CYP4F11: variants seen among roughly 807,000 people sequenced by gnomAD.
CYP4F11 encodes cytochrome P450 4F11.
A neutral mutation model predicts 62.2 loss-of-function variants in CYP4F11; 79 were observed. That is an observed-to-expected ratio of 1.27 (90% CI 1.06 to 1.53). The LOEUF is 1.53. CYP4F11 is among the 40% of genes most tolerant of loss of function. The pLI, the probability that CYP4F11 is intolerant of heterozygous loss-of-function variation, is 0.00. For missense variants in CYP4F11, 777 were observed against 680.5 expected, an observed-to-expected ratio of 1.14 and a Z score of -1.58; for synonymous variants, 290 against 263.7, an observed-to-expected ratio of 1.10 and a Z score of -0.97.
Position 15,930,641 on chromosome 19 carries a change from G to A in CYP4F11, c.199-1040C>T, listed in dbSNP as rs139366926. Among the ~76,000 whole-genome samples, 1,197 of 152,234 alleles carry A rather than the reference G, an allele frequency of 7.9e-3. 9 individuals carry two copies. The highest frequency in any genetic ancestry group is 0.011 in the Non-Finnish European group (732 of 68,014). ...TCCAAGAGTAAATACCAAAGCAGAG[G>A]GAGAAGGCAAGCTGTCTGCTCAAGA... On this transcript the variant is annotated intron_variant, in intron 1 of 11. Transcript: ENST00000402119.
At chr19:15,922,506 A>T in intron 6 of CYP4F11, 76 bp from the exon 7 acceptor site, 6 of 1,469,792 alleles carry the variant, frequency 4.1e-6, no homozygotes, top group Admixed American at 1.7e-5. Context: ...ACCTAAGATA[A>T]TTTCTGAAGA....
rs1170188259 is a variant in CYP4F11 at position 15,922,072 on chromosome 19, C to T, written c.1080G>A (p.Glu360=). The T allele has an allele frequency of 6.2e-7, 1 of 1,613,798 alleles. No homozygotes were observed. Among genetic ancestry groups the T allele is most frequent in the South Asian group, 1.1e-5 (1 of 91,034 alleles). The change falls in exon 8 of 12, where the codon GAG becomes GAA. Residue 360 remains glutamate (E), a synonymous_variant. Transcript: ENST00000402119. ...YQEQCRQEVQ[E]LLKDREPIEI... is the part of the protein sequence containing the mutation. ...CTATAGGTTCACGGTCCTTCAGAAGCTCTTGCACTTCTTGCCGGCACTGTT... is the reference window on the plus strand; with the variant it reads ...CTATAGGTTCACGGTCCTTCAGAAGTTCTTGCACTTCTTGCCGGCACTGTT...
At chr19:15,915,375 C>T (rs1214147439) in intron 8 of CYP4F11, among the ~76,000 whole-genome samples, 1 of 152,184 alleles carries the variant, frequency 6.6e-6, no homozygotes, top group African/African-American at 2.4e-5. Flanking sequence ...GAACACTTCA[C>T]TGGAAAACAT....
Position 15,914,299 on chromosome 19 carries a change from C to A in CYP4F11, c.1397+6G>T. 1.9e-6 allele frequency: 3 copies of A among 1,613,800 alleles called. No individual in the cohort carries two copies. Among genetic ancestry groups the A allele is most frequent in the Non-Finnish European group, 2.5e-6 (3 of 1,179,814 alleles). Reference sequence around the variant, plus strand: ...CATCTCTGCCTCAGACACAGGCCATCCTTACCTGGGCCCTGCCGAGAAGGG... The same window carrying A: ...CATCTCTGCCTCAGACACAGGCCATACTTACCTGGGCCCTGCCGAGAAGGG... On this transcript the variant is annotated splice_donor_region_variant and intron_variant, in intron 11 of 11. Coordinates refer to ENST00000402119, the MANE Select transcript of CYP4F11 (RefSeq NM_021187.4).
intron 11 of CYP4F11, 37 bp from the exon 12 acceptor site, chr19:15,913,946 G>T: frequency 6.3e-7 from 1 of 1,586,874 alleles, no homozygotes; most frequent in South Asian, 1.2e-5. Context: ...CTGTGCCCAT[G>T]ACCCCCATCC....
chr19:15,915,147 G>T (rs2145036507), intron 8 of CYP4F11, among the ~76,000 whole-genome samples: 1 of 152,286 alleles, frequency 6.6e-6, no homozygotes, highest in South Asian at 2.1e-4. Flanking sequence ...TATTAAAAAG[G>T]TTAACATATT....
At chr19:15,931,649 GGAAT>G (rs1169358213) in intron 1 of CYP4F11, among the ~76,000 whole-genome samples, 4 of 57,344 alleles carry the variant, frequency 7.0e-5, no homozygotes, top group Non-Finnish European at 1.3e-4. Flanking sequence ...AGCGAGGAGA[GGAAT>G]GAGTGAGCGA....
chr19:15,934,120 C>T lies in CYP4F11; in HGVS notation c.198+91G>A, dbSNP rs113731484. 3,021 of 1,404,650 alleles carry T rather than the reference C, an allele frequency of 2.2e-3. 58 individuals carry two copies. The African/African-American group carries it at 0.037, about 17-fold the overall frequency. The allele number at this position is 1,404,650 out of a possible 1,614,324, so 87.0% of individuals were successfully genotyped here. A position where few individuals can be genotyped will look rare whatever the true frequency, so the allele number is the denominator to read the frequency against. On this transcript the variant is annotated intron_variant, in intron 1 of 11. Coordinates refer to ENST00000402119, the MANE Select transcript of CYP4F11 (RefSeq NM_021187.4). ...TCTCTGTGTTCCCACACCCCAGCCA[C>T]CCTCAAAACCCAGCTCCCTGAGCCC...
In CYP4F11 at chr19:15,913,549, G is replaced by A; in HGVS notation, c.*183C>T. On this transcript the variant is annotated 3_prime_UTR_variant, in exon 12 of 12. Transcript: ENST00000402119. Reference sequence around the variant, plus strand: ...TAAGGGCCTAGATGCCCTGTGCTCAGCCAGAGAGGCCGTCAGGGTTTTGGG... The same window carrying A: ...TAAGGGCCTAGATGCCCTGTGCTCAACCAGAGAGGCCGTCAGGGTTTTGGG... 1.4e-6 allele frequency: 1 copy of A among 719,266 alleles called. No homozygotes were observed. The allele number at this position is 719,266 out of a possible 1,614,324, so 44.6% of individuals were successfully genotyped here. A position where few individuals can be genotyped will look rare whatever the true frequency, so the allele number is the denominator to read the frequency against.
chr19:15,931,522 C>T (rs1225795367), intron 1 of CYP4F11, among the ~76,000 whole-genome samples: 4 of 146,330 alleles, frequency 2.7e-5, no homozygotes, highest in Non-Finnish European at 1.5e-5. Flanking sequence ...TGGGATGGCA[C>T]ATCAGAGGAA....
chr19:15,920,214 AGAC>A (rs2089615067), intron 8 of CYP4F11, among the ~76,000 whole-genome samples: 1 of 152,248 alleles, frequency 6.6e-6, no homozygotes, highest in African/African-American at 2.4e-5. Flanking sequence ...TTAAAAATAA[AGAC>A]AAATTAAAAA....
intron 8 of CYP4F11, among the ~76,000 whole-genome samples, chr19:15,921,483 C>T (rs1174651678): frequency 6.6e-6 from 1 of 152,202 alleles, no homozygotes. Flanking sequence ...GCTGGGAGCA[C>T]CTGGAAAACA....
rs1371921233 is a variant in CYP4F11, at chr19:15,914,377, G to C, written c.1325C>G (p.Pro442Arg). 2 of 1,613,998 alleles carry C rather than the reference G, an allele frequency of 1.2e-6. No homozygotes were observed. The highest frequency in any genetic ancestry group is 1.7e-6 in the Non-Finnish European group (2 of 1,179,938). ...GATGTTCTCTTGGTCGAAACGGAAG[G>C]GGTCGTAGACCTGCAGGTGAGACCA... ...TVWPDPEVYD[P>R]FRFDQENIKE... The change falls in exon 11 of 12, where the codon CCC becomes CGC. Residue 442 changes from proline (P) to arginine (R), a missense_variant. By Grantham distance (103) the Pro-to-Arg change is moderately radical (BLOSUM62 -2). Coordinates refer to ENST00000402119, the MANE Select transcript of CYP4F11 (RefSeq NM_021187.4).
chr19:15,929,377 C>T, intron 2 of CYP4F11, 80 bp downstream of exon 2: 1 of 1,591,288 alleles, frequency 6.3e-7, no homozygotes, highest in East Asian at 2.2e-5. Context: ...GCAGGGGCCA[C>T]ACAGAAGCTT....
In CYP4F11 at chr19:15,924,095, G is replaced by A. The variant is rs939896350; in HGVS notation, c.648-13C>T. ...TTCACTGGGCTTCCTGCATGAAGGAGGTAACAACTTAACATATGCAAAGTC... is the reference window on the plus strand; with the variant it reads ...TTCACTGGGCTTCCTGCATGAAGGAAGTAACAACTTAACATATGCAAAGTC... On this transcript the variant is annotated splice_polypyrimidine_tract_variant and intron_variant, in intron 5 of 11. Coordinates refer to ENST00000402119, the MANE Select transcript of CYP4F11 (RefSeq NM_021187.4). The A allele has an allele frequency of 3.1e-6, 5 of 1,610,818 alleles. No homozygotes were observed. The African/African-American group carries it at 4.0e-5, about 13-fold the overall frequency.
upstream of CYP4F11, chr19:15,934,752 C>T: frequency 4.1e-6 from 1 of 246,400 alleles, no homozygotes. Context: ...TTGGGCAGTC[C>T]CCTCCCCATC....
chr19:15,926,503 T>C (rs1308045509), intron 4 of CYP4F11, among the ~76,000 whole-genome samples: 1 of 152,200 alleles, frequency 6.6e-6, no homozygotes, highest in Non-Finnish European at 1.5e-5. Flanking sequence ...TCCAGCAACT[T>C]CTATTAAGAG....
At chr19:15,923,552 A>G (rs76701879) in intron 6 of CYP4F11, among the ~76,000 whole-genome samples, 1,858 of 152,282 alleles carry the variant, frequency 0.012, 45 homozygotes, top group African/African-American at 0.043. Flanking sequence ...ATAGACATAG[A>G]TAGATATGCA....
Position 15,934,287 on chromosome 19 carries a change from A to G in CYP4F11, c.122T>C (p.Phe41Ser). The change falls in exon 1 of 12, where the codon TTC (phenylalanine) becomes TCC (serine). Residue 41 changes from phenylalanine (F) to serine (S), a missense_variant. Physicochemically the swap from Phe to Ser is radical, Grantham distance 155. Coordinates refer to ENST00000402119, the MANE Select transcript of CYP4F11 (RefSeq NM_021187.4). ...LARVLAWTYT[F>S]YDNCRRLQCF... ...CTGGAGGCGGCGGCAGTTGTCATAG[A>G]AGGTGTAGGTCCAGGCCAGGACGCG... The G allele has an allele frequency of 6.2e-7, 1 of 1,613,790 alleles. No homozygotes were observed. The highest frequency in any genetic ancestry group is 2.2e-5 in the East Asian group (1 of 44,872).
Sources: gnomAD v4.1 joint callset for allele counts (sites outside exome capture counted in the v4.1 genomes callset) on GRCh38, gnomAD v4.1.1 for gene constraint, MANE v1.5 for transcripts, NCBI Gene and HGNC (gene_info 2026-07-23, HGNC 2026-07-21) for gene names.